Variants in IKBKB observed in about 807,000 individuals in gnomAD.
The protein encoded by IKBKB is inhibitor of nuclear factor kappa-B kinase subunit beta.
Under a neutral mutation model 113.6 loss-of-function variants are expected in IKBKB, and 42 were observed. The ratio of observed to expected loss-of-function variants is 0.37; its 90% CI spans 0.29 to 0.48. IKBKB has a LOEUF of 0.48. Ranked by LOEUF, IKBKB falls within the 20% of genes least tolerant of loss-of-function variation. IKBKB has a pLI of 0.99. For missense variants in IKBKB, 673 were observed against 939.7 expected, an observed-to-expected ratio of 0.72 and a Z score of 3.71; for synonymous variants, 296 against 361.3, an observed-to-expected ratio of 0.82 and a Z score of 2.05.
rs1255385626 is a variant in IKBKB at position 42,316,854 on chromosome 8, C to T, written c.1075C>T (p.Leu359=). ...CCAGGAGCTGCTGCAGGAAGCGGGC[C>T]TGGCGTTGATCCCCGATAAGCCTGC... The part of the protein sequence containing the change: ...EDQELLQEAG[L]ALIPDKPATQ... Residue 359 remains leucine (L), a synonymous_variant, in exon 11 of 22, where the codon CTG becomes TTG. Transcript: ENST00000520810. The surrounding 1 kb of genome is among the most constrained non-coding windows in gnomAD (Gnocchi z 4.5). 6.2e-7 allele frequency: 1 copy of T among 1,614,056 alleles called. No homozygotes were observed. Among genetic ancestry groups the T allele is most frequent in the Non-Finnish European group, 8.5e-7 (1 of 1,180,050 alleles).
At chr8:42,324,618 A>G (rs1173343366) in intron 19 of IKBKB, 2 of 152,334 alleles carry the variant, frequency 1.3e-5, no homozygotes, top group Non-Finnish European at 1.5e-5. Flanking sequence ...TTCCCTTGAT[A>G]TTAAAGGAAC....
At chr8:42,274,515 C>T (rs1289165113) in intron 2 of IKBKB, among the ~76,000 whole-genome samples, 3 of 143,842 alleles carry the variant, frequency 2.1e-5, no homozygotes, top group African/African-American at 5.4e-5. Context: ...TCTACTTCTG[C>T]GAGATTAGTT....
chr8:42,292,841 G>C (rs765511961), intron 4 of IKBKB, among the ~76,000 whole-genome samples: 1 of 152,184 alleles, frequency 6.6e-6, no homozygotes, highest in African/African-American at 2.4e-5. Flanking sequence ...ACAGGTATCC[G>C]ACCGTGTAAC....
At position 42,332,180 on chromosome 8, in the gene IKBKB, C is replaced by T. The variant is rs1419034208; in HGVS notation, c.*1201C>T. The T allele has an allele frequency of 6.6e-6, 1 of 152,236 alleles. No homozygotes were observed. Among genetic ancestry groups the T allele is most frequent in the African/African-American group, 2.4e-5 (1 of 41,422 alleles). The allele number at this position is 152,236 out of a possible 1,614,324, so 9.4% of individuals were successfully genotyped here. A position where few individuals can be genotyped will look rare whatever the true frequency, so the allele number is the denominator to read the frequency against. ...AGAAAGTTGGAGTAGGAGACTTTCA[C>T]AAGTGGTTTCCATGGAGATAGAATG... On this transcript the variant is annotated 3_prime_UTR_variant, in exon 22 of 22. Coordinates refer to ENST00000520810, the MANE Select transcript of IKBKB (RefSeq NM_001556.3).
At chr8:42,305,071 G>A (rs1816228836) in intron 5 of IKBKB, 116 bp from the exon 6 acceptor site, 5 of 705,016 alleles carry the variant, frequency 7.1e-6, no homozygotes, top group Non-Finnish European at 1.3e-5. Flanking sequence ...GAGGTATTGC[G>A]CTACAAGTCA....
intron 9 of IKBKB, among the ~76,000 whole-genome samples, chr8:42,315,829 A>G (rs1341516808): frequency 6.6e-6 from 1 of 151,886 alleles, no homozygotes; most frequent in African/African-American, 2.4e-5. Flanking sequence ...CGCCTGGCTA[A>G]TTTTTGTGTT....
intron 8 of IKBKB, among the ~76,000 whole-genome samples, chr8:42,310,831 A>G (rs1817567934): frequency 6.6e-6 from 1 of 152,184 alleles, no homozygotes; most frequent in African/African-American, 2.4e-5. Context: ...TGCCTTTCAA[A>G]CTAGATATCA....
At chr8:42,325,190 C>T in intron 19 of IKBKB, 1 of 983,998 alleles carries the variant, frequency 1.0e-6, no homozygotes, top group Non-Finnish European at 1.2e-6. Context: ...TGAGGAGGCT[C>T]AGGTAGCTGG....
rs556000377 is a variant in IKBKB, at chr8:42,303,798, C to G, written c.389-1389C>G. Among the ~76,000 whole-genome samples, 468 of 152,280 alleles carry G rather than the reference C, an allele frequency of 3.1e-3. 8 individuals are homozygous for G. The highest frequency in any genetic ancestry group is 3.9e-3 in the Non-Finnish European group (268 of 68,016). On this transcript the variant is annotated intron_variant, in intron 5 of 21. Coordinates refer to ENST00000520810, the MANE Select transcript of IKBKB (RefSeq NM_001556.3). ...TTGGGATTACAGGCGTGAGCCACCG[C>G]GCCCAGCCCCATTTTTCTTCTGCAT...
At chr8:42,288,612 C>T (rs769046585) in intron 2 of IKBKB, 22 bp from the exon 3 acceptor site, 20 of 1,590,278 alleles carry the variant, frequency 1.3e-5, no homozygotes, top group Non-Finnish European at 1.7e-5. Flanking sequence ...CTCTGCTGGT[C>T]CCCACTGTGC....
intron 8 of IKBKB, among the ~76,000 whole-genome samples, chr8:42,311,113 G>A (rs575119658): frequency 6.6e-6 from 1 of 152,298 alleles, no homozygotes; most frequent in South Asian, 2.1e-4. Context: ...TCACCAGGAA[G>A]GTCATATAAA....
At chr8:42,319,211 C>T in intron 13 of IKBKB, 59 bp from the exon 14 acceptor site, 2 of 1,525,838 alleles carry the variant, frequency 1.3e-6, no homozygotes, top group East Asian at 2.3e-5. Context: ...TGTTATTGTA[C>T]AGGAAATGGA....
At position 42,288,780 on chromosome 8, in the gene IKBKB, G is replaced by A. The variant is rs111460042; in HGVS notation, c.200+52G>A. ...AGGGAAAGCTGGAGCAGCAGCCCCC[G>A]GTGTGTCTAGAAAGGAGAGTCTTGC... On this transcript the variant is annotated intron_variant, in intron 3 of 21. Transcript: ENST00000520810. The A allele has an allele frequency of 2.2e-5, 31 of 1,422,360 alleles. No homozygotes were observed. The Middle Eastern group carries it at 9.8e-4, about 45-fold the overall frequency. 88.1% of individuals were successfully genotyped at this position (1,422,360 alleles called of 1,614,324 possible). A position where few individuals can be genotyped will look rare whatever the true frequency, so the allele number is the denominator to read the frequency against.
chr8:42,328,890 G>C (rs543503175), intron 20 of IKBKB, among the ~76,000 whole-genome samples: 2 of 152,218 alleles, frequency 1.3e-5, no homozygotes, highest in Non-Finnish European at 2.9e-5. Context: ...GACTTTTATT[G>C]AGATCTGTTT....
intron 4 of IKBKB, among the ~76,000 whole-genome samples, chr8:42,291,116 G>T (rs1254250252): frequency 1.3e-5 from 2 of 152,174 alleles, no homozygotes; most frequent in East Asian, 3.8e-4. Flanking sequence ...CCAGCTGCAG[G>T]CCACCTCTCC....
At chr8:42,325,063 C>A (rs77725853) in intron 19 of IKBKB, 1 of 175,082 alleles carries the variant, frequency 5.7e-6, no homozygotes, top group Non-Finnish European at 1.1e-5. Flanking sequence ...GACTGCAGGC[C>A]GAAGTGAGTG....
chr8:42,281,934 C>G (rs1362851813), intron 2 of IKBKB, among the ~76,000 whole-genome samples: 2 of 152,174 alleles, frequency 1.3e-5, no homozygotes, highest in South Asian at 4.1e-4. Context: ...AAGCTGGGCC[C>G]CTTTTGTTTC....
At chr8:42,298,735 A>C (rs1284965345) in intron 5 of IKBKB, among the ~76,000 whole-genome samples, 4 of 152,116 alleles carry the variant, frequency 2.6e-5, no homozygotes, top group Non-Finnish European at 5.9e-5. Flanking sequence ...CCCCTTCTTT[A>C]GGATGAGGGG....
At position 42,305,230 on chromosome 8, in the gene IKBKB, G is replaced by A. The variant is rs2130520870; in HGVS notation, c.432G>A (p.Arg144=). Residue 144 remains arginine, a synonymous_variant, in exon 6 of 22, where the codon CGG becomes CGA. Transcript: ENST00000520810. ...TTCATGAAAACAGAATCATCCATCGGGATCTAAAGCCAGAAAACATCGTCC... is the reference window on the plus strand; with the variant it reads ...TTCATGAAAACAGAATCATCCATCGAGATCTAAAGCCAGAAAACATCGTCC... ...RYLHENRIIH[R]DLKPENIVLQ... 6.2e-7 allele frequency: 1 copy of A among 1,613,976 alleles called. No homozygotes were observed. Among genetic ancestry groups the A allele is most frequent in the Non-Finnish European group, 8.5e-7 (1 of 1,179,902 alleles).
Sources: gnomAD v4.1 joint callset for allele counts (sites outside exome capture counted in the v4.1 genomes callset) on GRCh38, gnomAD v4.1.1 for gene constraint, Gnocchi (gnomAD v3.1) non-coding constraint, MANE v1.5 for transcripts, NCBI Gene and HGNC (gene_info 2026-07-23, HGNC 2026-07-21) for gene names.